The following CNTNAP4 variants were observed in gnomAD, a reference collection of about 807,000 sequenced individuals.
The protein encoded by CNTNAP4 is contactin associated protein family member 4.
A neutral mutation model predicts 148.4 loss-of-function variants in CNTNAP4; 98 were observed. That is an observed-to-expected ratio of 0.66 (90% CI 0.56 to 0.78). The LOEUF (loss-of-function observed/expected upper bound fraction) is 0.78, where lower values mean the gene tolerates loss of function less well. CNTNAP4 is among the 30% of genes least tolerant of loss of function. The pLI is 0.00. For synonymous variants in CNTNAP4, 730 were observed against 565.1 expected, an observed-to-expected ratio of 1.29 and a Z score of -4.14; for missense variants, 1,935 against 1,565.6, an observed-to-expected ratio of 1.24 and a Z score of -3.98.
chr16:76,331,672 T>G (rs1045789483), intron 2 of CNTNAP4, among the ~76,000 whole-genome samples: 3 of 152,228 alleles, frequency 2.0e-5, no homozygotes, highest in Admixed American at 6.5e-5. Context: ...TATATCCTTA[T>G]GCATTGTATG....
At chr16:76,355,827 G>C (rs1218371588) in intron 3 of CNTNAP4, among the ~76,000 whole-genome samples, 1 of 149,894 alleles carries the variant, frequency 6.7e-6, no homozygotes, top group African/African-American at 2.5e-5. Context: ...AAACATAATA[G>C]TCTTGCATTG....
chr16:76,388,939 T>C (rs1047526144), intron 3 of CNTNAP4, among the ~76,000 whole-genome samples: 4 of 152,196 alleles, frequency 2.6e-5, no homozygotes, highest in African/African-American at 9.6e-5. Context: ...TATGTCCTTA[T>C]AGTAATTCTA....
At chr16:76,444,004 C>T (rs1381466255) in intron 4 of CNTNAP4, among the ~76,000 whole-genome samples, 1 of 151,986 alleles carries the variant, frequency 6.6e-6, no homozygotes, top group Non-Finnish European at 1.5e-5. Flanking sequence ...AACTTCCATT[C>T]AAATACAGAA....
chr16:76,363,319 T>C (rs1228437868), intron 3 of CNTNAP4, among the ~76,000 whole-genome samples: 1 of 151,896 alleles, frequency 6.6e-6, no homozygotes, highest in Non-Finnish European at 1.5e-5. Flanking sequence ...TGTGCCACCA[T>C]ACCCAGCTAA....
chr16:76,554,227 A>C (rs2085093231), intron 23 of CNTNAP4, among the ~76,000 whole-genome samples: 1 of 152,162 alleles, frequency 6.6e-6, no homozygotes, highest in Non-Finnish European at 1.5e-5. Flanking sequence ...GAGAATTGTG[A>C]ATATATTTGA....
intron 20 of CNTNAP4, among the ~76,000 whole-genome samples, chr16:76,540,474 G>T (rs898534983): frequency 6.6e-6 from 1 of 151,570 alleles, no homozygotes. Flanking sequence ...GCATCTGAGG[G>T]TAGTATAGAA....
At chr16:76,410,691 A>T (rs775704856) in intron 3 of CNTNAP4, among the ~76,000 whole-genome samples, 1 of 151,678 alleles carries the variant, frequency 6.6e-6, no homozygotes, top group Non-Finnish European at 1.5e-5. Context: ...CTATAATGAA[A>T]CTTTAATTAT....
Position 76,315,943 on chromosome 16 carries a change from C to T in CNTNAP4, c.86-470C>T, listed in dbSNP as rs1961691510. On this transcript the variant is annotated intron_variant, in intron 1 of 23. Coordinates refer to ENST00000611870, the MANE Select transcript of CNTNAP4 (RefSeq NM_033401.5). ...TTGTGTTATTTTTGTTAATGTGTGT[C>T]ATGATTTAAAGGTGGTTTTTGTTTT... Among the ~76,000 whole-genome samples the T allele has an allele frequency of 1.3e-5, 2 of 152,016 alleles. 1 individual carries two copies. The highest frequency in any genetic ancestry group is 1.3e-4 in the Admixed American group (2 of 15,234).
intron 3 of CNTNAP4, among the ~76,000 whole-genome samples, chr16:76,363,804 T>A (rs906482769): frequency 6.6e-6 from 1 of 152,158 alleles, no homozygotes; most frequent in African/African-American, 2.4e-5. Flanking sequence ...GTCAACACAG[T>A]TAGTTTGCTA....
chr16:76,517,260 C>A (rs922847920), intron 15 of CNTNAP4, among the ~76,000 whole-genome samples: 1 of 152,110 alleles, frequency 6.6e-6, no homozygotes, highest in Non-Finnish European at 1.5e-5. Context: ...ATGAAGAATA[C>A]TGTGGCAATA....
chr16:76,519,898 A>C (rs2083392410), intron 15 of CNTNAP4, among the ~76,000 whole-genome samples: 1 of 152,230 alleles, frequency 6.6e-6, no homozygotes, highest in African/African-American at 2.4e-5. Flanking sequence ...TCGGTCTAGA[A>C]TTTATACAAA....
At chr16:76,483,051 AGC>A (rs71808820) in intron 12 of CNTNAP4, among the ~76,000 whole-genome samples, 64,073 of 151,630 alleles carry the variant, frequency 0.42, 13,496 homozygotes, top group Admixed American at 0.44. Context: ...TTTTTTTTCC[AGC>A]TTGGATAGGT....
chr16:76,487,176 G>C (rs974416028), intron 12 of CNTNAP4, among the ~76,000 whole-genome samples: 1 of 152,116 alleles, frequency 6.6e-6, no homozygotes, highest in East Asian at 1.9e-4. Context: ...TCAAAGCAAC[G>C]AACATGTCAG....
intron 3 of CNTNAP4, among the ~76,000 whole-genome samples, chr16:76,392,469 G>C (rs1359402421): frequency 6.6e-6 from 1 of 152,058 alleles, no homozygotes; most frequent in Non-Finnish European, 1.5e-5. Context: ...TAAGGATACA[G>C]AATTCCGCAA....
At chr16:76,281,074 A>G (rs1357742269) in intron 1 of CNTNAP4, among the ~76,000 whole-genome samples, 36 of 152,136 alleles carry the variant, frequency 2.4e-4, no homozygotes, top group Admixed American at 2.4e-3. Context: ...TAAAGGCCGT[A>G]TCTGATACCT....
At chr16:76,369,325 T>A (rs1464539685) in intron 3 of CNTNAP4, among the ~76,000 whole-genome samples, 1 of 152,210 alleles carries the variant, frequency 6.6e-6, no homozygotes, top group African/African-American at 2.4e-5. Context: ...TTATGGTTAC[T>A]GCTGTTTAAT....
intron 2 of CNTNAP4, among the ~76,000 whole-genome samples, chr16:76,348,341 T>C (rs1965085837): frequency 6.6e-6 from 1 of 151,964 alleles, no homozygotes; most frequent in South Asian, 2.1e-4. Flanking sequence ...TCTCCAGTCT[T>C]GGGTTCAGGG....
intron 8 of CNTNAP4, 141 bp from the exon 9 acceptor site, chr16:76,461,815 T>G: frequency 1.6e-6 from 1 of 636,108 alleles, no homozygotes. Context: ...TGTCTCCCTT[T>G]CCTTGTTGAT....
At chr16:76,442,514 T>A (rs1597554005) in intron 4 of CNTNAP4, among the ~76,000 whole-genome samples, 1 of 152,036 alleles carries the variant, frequency 6.6e-6, no homozygotes, top group Non-Finnish European at 1.5e-5. Context: ...GGCTGGGAAG[T>A]TCAAGAAGCA....
Sources: allele counts gnomAD v4.1 joint callset (sites outside exome capture counted in the v4.1 genomes callset), GRCh38; gene constraint gnomAD v4.1.1; transcripts MANE v1.5; gene names NCBI Gene and HGNC (gene_info 2026-07-23, HGNC 2026-07-21).